The following FMNL2 variants were observed in gnomAD, a reference collection of about 807,000 sequenced individuals.
FMNL2 encodes the protein formin-like protein 2.
Under a neutral mutation model 130.2 loss-of-function variants are expected in FMNL2, and 51 were observed. That is an observed-to-expected ratio of 0.39 (90% CI 0.31 to 0.49). The LOEUF (loss-of-function observed/expected upper bound fraction) is 0.49, where lower values mean the gene tolerates loss of function less well. Among genes scored for constraint, FMNL2 ranks in the 20% least tolerant of loss-of-function variants. FMNL2 has a pLI of 0.85. For synonymous variants in FMNL2, 465 were observed against 467.1 expected, an observed-to-expected ratio of 1.00 and a Z score of 0.06; for missense variants, 977 against 1,316.2, an observed-to-expected ratio of 0.74 and a Z score of 3.99.
At chr2:152,614,209 AC>A (rs1411418065) in intron 11 of FMNL2, among the ~76,000 whole-genome samples, 1 of 152,168 alleles carries the variant, frequency 6.6e-6, no homozygotes, top group Non-Finnish European at 1.5e-5. Context: ...CATGACTATA[AC>A]CTGTTAAAGC....
At position 152,549,012 on chromosome 2, in the gene FMNL2, G is replaced by C. The variant is rs1694800135; in HGVS notation, c.283-9G>C. 2.5e-6 allele frequency: 4 copies of C among 1,597,676 alleles called. No individual in the cohort carries two copies. Among genetic ancestry groups the C allele is most frequent in the Non-Finnish European group, 2.6e-6 (3 of 1,173,784 alleles). On this transcript the variant is annotated splice_polypyrimidine_tract_variant and intron_variant, in intron 3 of 25. Transcript: ENST00000288670. ...ATATTTTGTGAGAATATGTGTTCTT[G>C]AATTATAGAAATTCAGACGGCGTGT...
chr2:152,566,182 A>G (rs1222483320), intron 6 of FMNL2, among the ~76,000 whole-genome samples: 1 of 152,210 alleles, frequency 6.6e-6, no homozygotes, highest in African/African-American at 2.4e-5. Context: ...AAGAATTCAA[A>G]TGTAGGTCCT....
In FMNL2 at chr2:152,378,986, C is replaced by CAAAAAAA. The variant is rs34091948; in HGVS notation, c.117+43286_117+43292dup. Among the ~76,000 whole-genome samples the CAAAAAAA allele has an allele frequency of 1.2e-3, 51 of 41,988 alleles. 12 individuals are homozygous for CAAAAAAA. Among genetic ancestry groups the CAAAAAAA allele is most frequent in the African/African-American group, 5.6e-3 (48 of 8,546 alleles). The allele number at this position is 41,988 out of a possible 152,430, so 27.5% of individuals were successfully genotyped here. On this transcript the variant is annotated intron_variant, in intron 1 of 25. Coordinates refer to ENST00000288670, the MANE Select transcript of FMNL2 (RefSeq NM_052905.4). ...AGAGAAGGACTGAATAGACCAGCTG[C>CAAAAAAA]AAAAAAAAAAAAAAAAAAAAAAAAA...
intron 9 of FMNL2, among the ~76,000 whole-genome samples, chr2:152,589,985 G>GTATATGTATGTATATGTATA (rs1558988379): frequency 4.4e-5 from 2 of 45,842 alleles, no homozygotes; most frequent in Non-Finnish European, 9.0e-5. Flanking sequence ...ATATATATAT[G>GTATATGTATGTATATGTATA]TATATGTATA....
chr2:152,466,764 T>G (rs1689568851), intron 1 of FMNL2, among the ~76,000 whole-genome samples: 2 of 152,220 alleles, frequency 1.3e-5, no homozygotes, highest in South Asian at 4.1e-4. Context: ...GCTCTCCTTG[T>G]ACTTTATCAA....
At chr2:152,356,460 T>G (rs192806747) in intron 1 of FMNL2, among the ~76,000 whole-genome samples, 1 of 152,356 alleles carries the variant, frequency 6.6e-6, no homozygotes, top group East Asian at 1.9e-4. Context: ...TTATGTTCAT[T>G]GAATAAATGT....
At chr2:152,590,647 T>C (rs1319109283) in intron 9 of FMNL2, among the ~76,000 whole-genome samples, 2 of 151,850 alleles carry the variant, frequency 1.3e-5, no homozygotes, top group African/African-American at 4.8e-5. Flanking sequence ...CAACTATAGC[T>C]GTTCAAATAG....
intron 6 of FMNL2, among the ~76,000 whole-genome samples, chr2:152,568,223 T>TTTTTTTTTTGTTTTGTTTTTGA (rs11275578): frequency 7.6e-6 from 1 of 132,276 alleles, no homozygotes; most frequent in Non-Finnish European, 1.6e-5. Context: ...GGTGGGTTTT[T>TTTTTTTTTTGTTTTGTTTTTGA]TTTTTTTTTT....
At chr2:152,554,228 G>A (rs779448606) in intron 4 of FMNL2, among the ~76,000 whole-genome samples, 1 of 152,146 alleles carries the variant, frequency 6.6e-6, no homozygotes, top group Non-Finnish European at 1.5e-5. Context: ...GTAACATGGT[G>A]AACCCCTGTC....
At position 152,364,537 on chromosome 2, in the gene FMNL2, A is replaced by G. The variant is rs146660265; in HGVS notation, c.117+28817A>G. ...ACATATCTTGAGACAATCTAGTGCA[A>G]CAAGAGCAAATTTGGCAGAATTTCT... On this transcript the variant is annotated intron_variant, in intron 1 of 25. Coordinates refer to ENST00000288670, the MANE Select transcript of FMNL2 (RefSeq NM_052905.4). Among the ~76,000 whole-genome samples the G allele has an allele frequency of 3.3e-5, 5 of 152,284 alleles. No individual in the cohort carries two copies. In the East Asian group the frequency reaches 9.7e-4, roughly 29 times the overall value.
chr2:152,591,113 G>A (rs1490382013), intron 9 of FMNL2, among the ~76,000 whole-genome samples: 1 of 145,264 alleles, frequency 6.9e-6, no homozygotes, highest in Non-Finnish European at 1.5e-5. Flanking sequence ...GGGTTCAAGC[G>A]ATTCTCCTGC....
chr2:152,601,383 C>T (rs573699560), intron 9 of FMNL2, among the ~76,000 whole-genome samples: 2 of 151,422 alleles, frequency 1.3e-5, no homozygotes, highest in East Asian at 1.9e-4. Context: ...TAACTGCAAC[C>T]TCCATCCCCC....
intron 9 of FMNL2, among the ~76,000 whole-genome samples, chr2:152,598,902 A>G (rs1205204527): frequency 1.3e-5 from 2 of 152,254 alleles, no homozygotes; most frequent in Non-Finnish European, 2.9e-5. Flanking sequence ...GTAAGCTGGA[A>G]ATCCAGAAAA....
At chr2:152,625,407 A>G in intron 15 of FMNL2, 31 bp from the exon 16 acceptor site, 1 of 1,591,534 alleles carries the variant, frequency 6.3e-7, no homozygotes, top group South Asian at 1.1e-5. Flanking sequence ...TTTTGGTGGG[A>G]TCTTAATTCC....
chr2:152,390,777 G>A (rs752333242), intron 1 of FMNL2: 4 of 585,726 alleles, frequency 6.8e-6, no homozygotes, highest in Non-Finnish European at 1.2e-5. Flanking sequence ...AGGGCATCAG[G>A]AGAAAGGCTG....
chr2:152,470,519 T>G (rs1407016410), intron 1 of FMNL2, among the ~76,000 whole-genome samples: 6 of 152,200 alleles, frequency 3.9e-5, no homozygotes, highest in Admixed American at 3.9e-4. Context: ...TAGAAAGATA[T>G]TGAAAATTTA....
rs1294560516 is a variant in FMNL2, at chr2:152,648,815, A to ATAAAT, written c.*912_*916dup. 6.6e-6 allele frequency: 1 copy of ATAAAT among 152,612 alleles called. No individual in the cohort carries two copies. Among genetic ancestry groups the ATAAAT allele is most frequent in the East Asian group, 1.9e-4 (1 of 5,190 alleles). 9.5% of individuals were successfully genotyped at this position (152,612 alleles called of 1,614,324 possible). On this transcript the variant is annotated 3_prime_UTR_variant, in exon 26 of 26. Transcript: ENST00000288670. ...CAATCGCAATTTTTTCTTATTTTTTATAAATTCAAGAAGATACACTTGGCA... is the reference window on the plus strand; with the variant it reads ...CAATCGCAATTTTTTCTTATTTTTTATAAATTAAATTCAAGAAGATACACTTGGCA...
intron 9 of FMNL2, among the ~76,000 whole-genome samples, chr2:152,592,635 G>A (rs1697500668): frequency 6.6e-6 from 1 of 152,100 alleles, no homozygotes; most frequent in African/African-American, 2.4e-5. Flanking sequence ...AAATTTGTTT[G>A]TTTATTGTTT....
intron 6 of FMNL2, among the ~76,000 whole-genome samples, chr2:152,563,307 T>C (rs996575916): frequency 6.6e-6 from 1 of 152,240 alleles, no homozygotes; most frequent in Non-Finnish European, 1.5e-5. Flanking sequence ...TTTTGTGTTT[T>C]AATATTTTCA....
Sources: allele counts gnomAD v4.1 joint callset (sites outside exome capture counted in the v4.1 genomes callset), GRCh38; gene constraint gnomAD v4.1.1; transcripts MANE v1.5; gene names NCBI Gene and HGNC (gene_info 2026-07-23, HGNC 2026-07-21).